Variants in ST8SIA1 observed in about 807,000 individuals in gnomAD.
The protein encoded by ST8SIA1 is alpha-N-acetylneuraminide alpha-2,8-sialyltransferase.
ST8SIA1 carries 16 observed loss-of-function variants against 35.9 expected under a neutral mutation model. The ratio of observed to expected loss-of-function variants is 0.45; its 90% CI spans 0.30 to 0.68. ST8SIA1 has a LOEUF of 0.68. Among genes scored for constraint, ST8SIA1 ranks in the 30% least tolerant of loss-of-function variants. ST8SIA1 has a pLI of 0.09. For synonymous variants in ST8SIA1, 170 were observed against 169.6 expected (o/e 1.00, Z -0.02); for missense variants, 383 against 453.6 (o/e 0.84, Z 1.41).
At chr12:22,250,038 C>A (rs1303112142) in intron 3 of ST8SIA1, among the ~76,000 whole-genome samples, 1 of 152,124 alleles carries the variant, frequency 6.6e-6, no homozygotes, top group Non-Finnish European at 1.5e-5. Context: ...GATCCACCAT[C>A]CCAGTTCAGC....
intron 1 of ST8SIA1, among the ~76,000 whole-genome samples, chr12:22,320,742 G>C (rs900928201): frequency 1.1e-4 from 16 of 151,332 alleles, no homozygotes; most frequent in Non-Finnish European, 1.9e-4. Context: ...GGCTGAGTCA[G>C]GAGGTTTCCT....
intron 4 of ST8SIA1, among the ~76,000 whole-genome samples, chr12:22,202,729 T>C (rs1009999253): frequency 2.6e-5 from 4 of 152,178 alleles, no homozygotes; most frequent in African/African-American, 9.7e-5. Flanking sequence ...TATAAAGTAC[T>C]ATGGAATACA....
chr12:22,283,991 T>C (rs1242349503), intron 2 of ST8SIA1, among the ~76,000 whole-genome samples: 1 of 152,126 alleles, frequency 6.6e-6, no homozygotes, highest in East Asian at 1.9e-4. Context: ...TTACAGAAAG[T>C]TGTGGAAGGT....
At chr12:22,264,344 A>T (rs1306441706) in intron 2 of ST8SIA1, among the ~76,000 whole-genome samples, 2 of 152,114 alleles carry the variant, frequency 1.3e-5, no homozygotes, top group Admixed American at 1.3e-4. Context: ...ACATCTCTTT[A>T]TCCCTGTACC....
intron 4 of ST8SIA1, among the ~76,000 whole-genome samples, chr12:22,241,582 T>C (rs572879956): frequency 1.3e-5 from 2 of 149,044 alleles, no homozygotes; most frequent in African/African-American, 4.9e-5. Flanking sequence ...TCTTTAAGAA[T>C]TACCCAGACT....
intron 4 of ST8SIA1, among the ~76,000 whole-genome samples, chr12:22,226,934 T>C (rs1398119052): frequency 6.6e-6 from 1 of 151,824 alleles, no homozygotes; most frequent in Non-Finnish European, 1.5e-5. Context: ...TGAGTCTTTT[T>C]TGTTTGTTTG....
chr12:22,229,887 T>C, intron 4 of ST8SIA1, among the ~76,000 whole-genome samples: 1 of 151,978 alleles, frequency 6.6e-6, no homozygotes, highest in Non-Finnish European at 1.5e-5. Context: ...AACACCAACA[T>C]TAAGGTAGCA....
intron 1 of ST8SIA1, among the ~76,000 whole-genome samples, chr12:22,314,661 C>T (rs1866494992): frequency 6.6e-6 from 1 of 152,134 alleles, no homozygotes; most frequent in Admixed American, 6.5e-5. Flanking sequence ...TTTACAAAAT[C>T]ATTTCCTTAT....
At chr12:22,210,411 A>G (rs1172175985) in intron 4 of ST8SIA1, among the ~76,000 whole-genome samples, 1 of 152,150 alleles carries the variant, frequency 6.6e-6, no homozygotes, top group Admixed American at 6.5e-5. Flanking sequence ...TCTCTCACTC[A>G]ACACTAATCA....
At chr12:22,213,540 C>G (rs780239309) in intron 4 of ST8SIA1, among the ~76,000 whole-genome samples, 1 of 152,078 alleles carries the variant, frequency 6.6e-6, no homozygotes, top group Non-Finnish European at 1.5e-5. Context: ...AGTAGCTATG[C>G]AAACGGAGTT....
At chr12:22,296,641 G>A (rs889670524) in intron 1 of ST8SIA1, among the ~76,000 whole-genome samples, 26 of 152,260 alleles carry the variant, frequency 1.7e-4, no homozygotes, top group Admixed American at 7.8e-4. Flanking sequence ...AATTCTGTTC[G>A]TCTGTTAATG....
intron 1 of ST8SIA1, 199 bp downstream of exon 1, chr12:22,333,798 T>C: frequency 1.3e-6 from 1 of 764,342 alleles, no homozygotes; most frequent in Non-Finnish European, 2.4e-6. Context: ...TGCACATCTC[T>C]GGGGATCAGG....
At chr12:22,243,207 A>T (rs969098671) in intron 4 of ST8SIA1, among the ~76,000 whole-genome samples, 1 of 152,208 alleles carries the variant, frequency 6.6e-6, no homozygotes, top group Non-Finnish European at 1.5e-5. Context: ...AACTTCTGAT[A>T]GAATATTTTT....
chr12:22,282,477 A>C (rs1591843479), intron 2 of ST8SIA1, among the ~76,000 whole-genome samples: 1 of 152,164 alleles, frequency 6.6e-6, no homozygotes. Context: ...TTAATGATAC[A>C]TGAGCAGGAA....
chr12:22,207,896 G>A (rs1471278379), intron 4 of ST8SIA1, among the ~76,000 whole-genome samples: 1 of 151,998 alleles, frequency 6.6e-6, no homozygotes, highest in Non-Finnish European at 1.5e-5. Context: ...TGTAATCCCA[G>A]CACTTTGGGA....
intron 3 of ST8SIA1, among the ~76,000 whole-genome samples, chr12:22,249,448 CTGACCTTG>C (rs767831206): frequency 4.8e-4 from 73 of 152,266 alleles, no homozygotes; most frequent in Non-Finnish European, 9.4e-4. Context: ...TCTCGATCTC[CTGACCTTG>C]TGATCTGCCC....
intron 4 of ST8SIA1, among the ~76,000 whole-genome samples, chr12:22,215,073 G>C (rs1865220974): frequency 6.6e-6 from 1 of 152,032 alleles, no homozygotes; most frequent in African/African-American, 2.4e-5. Flanking sequence ...CCTTCTGCAG[G>C]ACCTGGTCCA....
At chr12:22,315,164 A>G (rs1262656186) in intron 1 of ST8SIA1, among the ~76,000 whole-genome samples, 1 of 152,134 alleles carries the variant, frequency 6.6e-6, no homozygotes, top group Non-Finnish European at 1.5e-5. Context: ...TTCTCCCTTG[A>G]AGCTGTCCTC....
rs192155651 is a variant in ST8SIA1 at position 22,279,830 on chromosome 12, C to A, written c.381+7319G>T. Among the ~76,000 whole-genome samples, 287 of 152,272 alleles carry A rather than the reference C, an allele frequency of 1.9e-3. 1 individual carries two copies. Among genetic ancestry groups the A allele is most frequent in the Non-Finnish European group, 4.9e-4 (33 of 68,032 alleles). On this transcript the variant is annotated intron_variant, in intron 2 of 4. Transcript: ENST00000396037. ...TGTTGGGCAAGTCAAGCTTCAGGGT[C>A]GGTCTCTTCAATCTACTCAGAAGTT...
Sources: allele counts gnomAD v4.1 joint callset (sites outside exome capture counted in the v4.1 genomes callset), GRCh38; gene constraint gnomAD v4.1.1; transcripts MANE v1.5; gene names NCBI Gene and HGNC (gene_info 2026-07-23, HGNC 2026-07-21).